Variants in CNTN4 observed in about 807,000 individuals in gnomAD.
CNTN4 encodes contactin-4.
Under a neutral mutation model 122.5 loss-of-function variants are expected in CNTN4, and 77 were observed. That is an observed-to-expected ratio of 0.63 (90% CI 0.52 to 0.76). The LOEUF (loss-of-function observed/expected upper bound fraction) is 0.76. Ranked by LOEUF, CNTN4 falls within the 30% of genes least tolerant of loss-of-function variation. The pLI is 0.00. For missense variants in CNTN4, 1,256 were observed against 1,259.1 expected (o/e 1.00, Z 0.04); for synonymous variants, 512 against 447.0 (o/e 1.15, Z -1.83).
In CNTN4 at chr3:2,701,530, T is replaced by A. The variant is rs74443671; in HGVS notation, c.56-34685T>A. Among the ~76,000 whole-genome samples, 69 of 152,248 alleles carry A rather than the reference T, an allele frequency of 4.5e-4. 1 individual carries two copies. In the East Asian group the frequency reaches 0.013, roughly 29 times the overall value. ...GTTCTGAAGATCCACTTATCCAATT[T>A]GTGTTTTGCTTTCTCTGTGAATGGT... On this transcript the variant is annotated intron_variant, in intron 4 of 24. Coordinates refer to ENST00000418658, the MANE Select transcript of CNTN4 (RefSeq NM_175607.3).
chr3:2,186,861 T>A (rs2037294180), intron 2 of CNTN4, among the ~76,000 whole-genome samples: 1 of 152,230 alleles, frequency 6.6e-6, no homozygotes, highest in South Asian at 2.1e-4. Flanking sequence ...AAAATTTTTC[T>A]CCCATTCTGT....
At chr3:2,434,827 C>CT (rs997751312) in intron 3 of CNTN4, among the ~76,000 whole-genome samples, 4 of 152,144 alleles carry the variant, frequency 2.6e-5, no homozygotes, top group African/African-American at 9.7e-5. Context: ...TCACTCCTGC[C>CT]TCTTCCTATA....
chr3:2,554,975 C>T (rs1041465657), intron 3 of CNTN4, among the ~76,000 whole-genome samples: 1 of 152,156 alleles, frequency 6.6e-6, no homozygotes, highest in Non-Finnish European at 1.5e-5. Flanking sequence ...TCAATGTCAT[C>T]TTATTAAAGG....
At chr3:2,863,822 AC>A (rs1383321459) in intron 7 of CNTN4, among the ~76,000 whole-genome samples, 5 of 152,156 alleles carry the variant, frequency 3.3e-5, no homozygotes, top group African/African-American at 1.2e-4. Flanking sequence ...ACTCCGTTTT[AC>A]TTTGTTTAAT....
At chr3:2,487,028 C>G (rs1355456013) in intron 3 of CNTN4, among the ~76,000 whole-genome samples, 2 of 152,110 alleles carry the variant, frequency 1.3e-5, no homozygotes, top group African/African-American at 4.8e-5. Flanking sequence ...AAATGGGCCA[C>G]CAAATTCCTG....
intron 12 of CNTN4, among the ~76,000 whole-genome samples, chr3:2,915,074 C>CT (rs59684421): frequency 0.42 from 63,515 of 151,914 alleles, 13,616 homozygotes; most frequent in East Asian, 0.64. Flanking sequence ...AATACCATGT[C>CT]TTTTTTGTTT....
intron 4 of CNTN4, among the ~76,000 whole-genome samples, chr3:2,629,915 C>T (rs1419279134): frequency 6.6e-6 from 1 of 152,142 alleles, no homozygotes; most frequent in Non-Finnish European, 1.5e-5. Flanking sequence ...AGGGTTTTCT[C>T]TATGTTTCTC....
Position 2,970,459 on chromosome 3 carries a change from T to A in CNTN4, c.1359-17886T>A, listed in dbSNP as rs77542315. On this transcript the variant is annotated intron_variant, in intron 13 of 24. Coordinates refer to ENST00000418658, the MANE Select transcript of CNTN4 (RefSeq NM_175607.3). ...CACAGTTTATAAACACTTTTTTTTTTAATTGAGACAGTTTTACTCTGTTGC... is the reference window on the plus strand; with the variant it reads ...CACAGTTTATAAACACTTTTTTTTTAAATTGAGACAGTTTTACTCTGTTGC... Among the ~76,000 whole-genome samples the A allele has an allele frequency of 6.6e-5, 10 of 152,136 alleles. No homozygotes were observed. In the East Asian group the frequency reaches 1.4e-3, roughly 21 times the overall value.
intron 23 of CNTN4, among the ~76,000 whole-genome samples, chr3:3,049,721 G>C (rs56188904): frequency 0.078 from 11,887 of 152,294 alleles, 667 homozygotes; most frequent in Admixed American, 0.11. Flanking sequence ...TGAGATTTCA[G>C]TTGGGCCTTG....
At chr3:2,618,979 A>G (rs930588922) in intron 4 of CNTN4, among the ~76,000 whole-genome samples, 1 of 152,206 alleles carries the variant, frequency 6.6e-6, no homozygotes, top group Non-Finnish European at 1.5e-5. Context: ...CAAACCAGTT[A>G]TCTGTAAAAT....
At chr3:2,805,253 C>A (rs1315899996) in intron 6 of CNTN4, among the ~76,000 whole-genome samples, 1 of 151,608 alleles carries the variant, frequency 6.6e-6, no homozygotes, top group Non-Finnish European at 1.5e-5. Context: ...TTTTAAGAAG[C>A]CTGTGGCAAT....
chr3:2,684,168 G>A (rs2085312467), intron 4 of CNTN4, among the ~76,000 whole-genome samples: 2 of 151,996 alleles, frequency 1.3e-5, no homozygotes, highest in African/African-American at 4.8e-5. Context: ...AAATACAAGG[G>A]GAAGCCATTA....
At chr3:2,487,015 T>G (rs1213823880) in intron 3 of CNTN4, among the ~76,000 whole-genome samples, 1 of 152,198 alleles carries the variant, frequency 6.6e-6, no homozygotes, top group Admixed American at 6.5e-5. Context: ...TATAGCCTAG[T>G]TGAAATGGGC....
intron 3 of CNTN4, among the ~76,000 whole-genome samples, chr3:2,567,357 A>AT (rs2079216151): frequency 6.8e-6 from 1 of 147,116 alleles, no homozygotes; most frequent in Admixed American, 6.8e-5. Context: ...AAGTGCTGGG[A>AT]TTACAGGCAT....
At chr3:2,507,713 C>T (rs2076770163) in intron 3 of CNTN4, among the ~76,000 whole-genome samples, 1 of 144,128 alleles carries the variant, frequency 6.9e-6, no homozygotes. Context: ...CCAGTCTGGG[C>T]CACAGTGAGA....
chr3:2,501,138 T>C (rs1361631915), intron 3 of CNTN4, among the ~76,000 whole-genome samples: 1 of 152,218 alleles, frequency 6.6e-6, no homozygotes, highest in African/African-American at 2.4e-5. Context: ...TTTTGTTAAC[T>C]GTGGGAGACC....
At chr3:2,596,674 G>A (rs2149704605) in intron 4 of CNTN4, among the ~76,000 whole-genome samples, 1 of 152,162 alleles carries the variant, frequency 6.6e-6, no homozygotes, top group Non-Finnish European at 1.5e-5. Context: ...TTAGGGAAGT[G>A]CAATCATTTG....
chr3:2,426,936 T>A (rs1217006486), intron 3 of CNTN4, among the ~76,000 whole-genome samples: 1 of 152,236 alleles, frequency 6.6e-6, no homozygotes, highest in Admixed American at 6.5e-5. Context: ...TCTTTTTTTA[T>A]TACGTCTATT....
chr3:2,394,350 C>T (rs185220317), intron 3 of CNTN4, among the ~76,000 whole-genome samples: 250 of 152,176 alleles, frequency 1.6e-3, no homozygotes, highest in Non-Finnish European at 2.3e-3. Context: ...TGCACTGGTT[C>T]AAAGATAATT....
Sources: gnomAD v4.1 joint callset for allele counts (sites outside exome capture counted in the v4.1 genomes callset) on GRCh38, gnomAD v4.1.1 for gene constraint, MANE v1.5 for transcripts, NCBI Gene and HGNC (gene_info 2026-07-23, HGNC 2026-07-21) for gene names.